SNTG2: variants seen among roughly 807,000 people sequenced by gnomAD.
SNTG2 encodes syntrophin gamma 2.
SNTG2 carries 74 observed loss-of-function variants against 70.9 expected under a neutral mutation model. The ratio of observed to expected loss-of-function variants is 1.04; its 90% CI spans 0.86 to 1.27. The LOEUF (loss-of-function observed/expected upper bound fraction) is 1.27. SNTG2 is among the 50% of genes most tolerant of loss of function. The probability of loss-of-function intolerance (pLI) is 0.00; values close to 1 mark genes in which losing one functional copy is unlikely to be tolerated. For synonymous variants in SNTG2, 278 were observed against 273.8 expected (o/e 1.02, Z -0.15); for missense variants, 717 against 690.7 (o/e 1.04, Z -0.43).
intron 16 of SNTG2, among the ~76,000 whole-genome samples, chr2:1,330,608 A>T (rs1659474137): frequency 6.6e-6 from 1 of 152,222 alleles, no homozygotes; most frequent in African/African-American, 2.4e-5. Context: ...TTCAGGTGGG[A>T]CAGACAGAAA....
chr2:1,349,077 G>A (rs545784333), intron 16 of SNTG2, among the ~76,000 whole-genome samples: 40 of 152,320 alleles, frequency 2.6e-4, no homozygotes, highest in African/African-American at 8.4e-4. Context: ...CAGAGGCTAG[G>A]ATTTTAAAGG....
chr2:1,189,006 A>G (rs915309629), intron 8 of SNTG2, among the ~76,000 whole-genome samples: 7 of 152,160 alleles, frequency 4.6e-5, no homozygotes, highest in Non-Finnish European at 1.0e-4. Flanking sequence ...AAACAACAAA[A>G]CATGATTATT....
chr2:1,161,915 A>C (rs1324965746), intron 6 of SNTG2, among the ~76,000 whole-genome samples: 1 of 152,000 alleles, frequency 6.6e-6, no homozygotes, highest in Non-Finnish European at 1.5e-5. Context: ...TCTACTAAAA[A>C]TACAAAAAAT....
chr2:1,336,347 A>G lies in SNTG2; in HGVS notation c.1488+19972A>G, dbSNP rs573760283. On this transcript the variant is annotated intron_variant, in intron 16 of 16. Coordinates refer to ENST00000308624, the MANE Select transcript of SNTG2 (RefSeq NM_018968.4). ...CTTTTGAGTGCTTTGACTTCCTTAT[A>G]TATTTTGGATATTAACCCCTTATCA... Among the ~76,000 whole-genome samples the G allele has an allele frequency of 3.3e-5, 5 of 152,254 alleles. No homozygotes were observed. In the East Asian group the frequency reaches 9.7e-4, roughly 29 times the overall value.
At chr2:1,096,970 C>T (rs1044841208) in intron 2 of SNTG2, among the ~76,000 whole-genome samples, 2 of 152,180 alleles carry the variant, frequency 1.3e-5, no homozygotes, top group African/African-American at 4.8e-5. Context: ...AAAACGATCA[C>T]TCTGTAGCAA....
chr2:1,361,405 G>C (rs1661138887), intron 16 of SNTG2, among the ~76,000 whole-genome samples: 1 of 151,832 alleles, frequency 6.6e-6, no homozygotes, highest in Admixed American at 6.6e-5. Context: ...ATTGGAGACA[G>C]ACAGTGCAAT....
At chr2:1,240,159 A>G (rs1676953583) in intron 11 of SNTG2, among the ~76,000 whole-genome samples, 1 of 152,206 alleles carries the variant, frequency 6.6e-6, no homozygotes, top group Non-Finnish European at 1.5e-5. Context: ...TATTTTCTTA[A>G]ATAAAATCCT....
In SNTG2 at chr2:1,092,264, A is replaced by G. The variant is rs7590562; in HGVS notation, c.211-5932A>G. On this transcript the variant is annotated intron_variant, in intron 2 of 16. Transcript: ENST00000308624. Reference sequence around the variant, plus strand: ...CCTTCAATTAGAGAGAGAAAAAAAAACCCTTATTTTCTAGGTCCCTCGCCT... The same window carrying G: ...CCTTCAATTAGAGAGAGAAAAAAAAGCCCTTATTTTCTAGGTCCCTCGCCT... Among the ~76,000 whole-genome samples the G allele has an allele frequency of 7.3e-3, 1,103 of 150,920 alleles. 16 individuals are homozygous for G. Among genetic ancestry groups the G allele is most frequent in the African/African-American group, 0.025 (1,007 of 41,084 alleles).
chr2:970,042 G>T (rs1407569913), intron 1 of SNTG2, among the ~76,000 whole-genome samples: 4 of 152,108 alleles, frequency 2.6e-5, no homozygotes, highest in Non-Finnish European at 5.9e-5. Context: ...TACCTTCATT[G>T]CCTAGTTTGC....
chr2:1,361,738 T>C (rs866693806), intron 16 of SNTG2, among the ~76,000 whole-genome samples: 45 of 47,156 alleles, frequency 9.5e-4, no homozygotes, highest in African/African-American at 1.8e-3. Context: ...AGCATTTCAG[T>C]AGAACTTCCA....
intron 13 of SNTG2, among the ~76,000 whole-genome samples, chr2:1,266,162 A>G (rs554544816): frequency 6.6e-6 from 1 of 152,220 alleles, no homozygotes; most frequent in East Asian, 1.9e-4. Flanking sequence ...AGACAGAGAC[A>G]TAGAAATGGA....
At chr2:1,245,340 A>G (rs1395747940) in intron 11 of SNTG2, among the ~76,000 whole-genome samples, 1 of 152,238 alleles carries the variant, frequency 6.6e-6, no homozygotes, top group African/African-American at 2.4e-5. Context: ...AATGTGCGTA[A>G]GATGACCTGG....
Position 1,269,043 on chromosome 2 carries a change from C to T in SNTG2, c.1284+1472C>T, listed in dbSNP as rs1182716291. On this transcript the variant is annotated intron_variant, in intron 14 of 16. Coordinates refer to ENST00000308624, the MANE Select transcript of SNTG2 (RefSeq NM_018968.4). ...CTGAATAAGAGCAATCATAGAATTACAGTGTTGGAGGGAGGGTGAAAGGTT... is the reference window on the plus strand; with the variant it reads ...CTGAATAAGAGCAATCATAGAATTATAGTGTTGGAGGGAGGGTGAAAGGTT... 3.3e-5 allele frequency among the ~76,000 whole-genome samples: 5 copies of T among 152,202 alleles called. No homozygotes were observed. In the East Asian group the frequency reaches 7.7e-4, roughly 24 times the overall value.
At chr2:1,180,690 C>T (rs1352432800) in intron 8 of SNTG2, among the ~76,000 whole-genome samples, 2 of 150,664 alleles carry the variant, frequency 1.3e-5, no homozygotes, top group Non-Finnish European at 3.0e-5. Flanking sequence ...ACTAGAAATA[C>T]CATTTGACCC....
intron 14 of SNTG2, among the ~76,000 whole-genome samples, chr2:1,290,317 CTTTTT>C (rs34782770): frequency 6.9e-6 from 1 of 144,438 alleles, no homozygotes; most frequent in Non-Finnish European, 1.5e-5. Context: ...GTTCTACATC[CTTTTT>C]TTTTTTTTTT....
intron 4 of SNTG2, among the ~76,000 whole-genome samples, chr2:1,128,814 A>C (rs983058233): frequency 6.6e-6 from 1 of 152,122 alleles, no homozygotes; most frequent in Non-Finnish European, 1.5e-5. Context: ...AGCCAGGATG[A>C]GAGTGCACAG....
intron 14 of SNTG2, among the ~76,000 whole-genome samples, chr2:1,283,596 G>A (rs1380500793): frequency 1.3e-5 from 2 of 152,072 alleles, no homozygotes; most frequent in African/African-American, 4.8e-5. Context: ...CTGCCCCTGG[G>A]GCTTTCTGTC....
intron 1 of SNTG2, among the ~76,000 whole-genome samples, chr2:1,078,815 T>C (rs1265207772): frequency 6.6e-6 from 1 of 151,866 alleles, no homozygotes; most frequent in Admixed American, 6.6e-5. Context: ...GGAGAGACAT[T>C]TCAGGGGATT....
chr2:1,172,785 G>A (rs1671209337), intron 7 of SNTG2, among the ~76,000 whole-genome samples: 1 of 152,164 alleles, frequency 6.6e-6, no homozygotes, highest in Non-Finnish European at 1.5e-5. Flanking sequence ...ATTCCAGGGG[G>A]TCATGTTGAC....
Sources: gnomAD v4.1 joint callset for allele counts (sites outside exome capture counted in the v4.1 genomes callset) on GRCh38, gnomAD v4.1.1 for gene constraint, MANE v1.5 for transcripts, NCBI Gene and HGNC (gene_info 2026-07-23, HGNC 2026-07-21) for gene names.